The following REV3L variants were observed in gnomAD, a reference collection of about 807,000 sequenced individuals.
The protein encoded by REV3L is DNA polymerase zeta catalytic subunit.
A neutral mutation model predicts 299.4 loss-of-function variants in REV3L; 69 were observed. The ratio of observed to expected loss-of-function variants is 0.23; its 90% confidence interval spans 0.19 to 0.28. The LOEUF (loss-of-function observed/expected upper bound fraction) is 0.28. REV3L is among the 10% of genes least tolerant of loss of function. The probability of loss-of-function intolerance (pLI) is 1.00; values close to 1 mark genes in which losing one functional copy is unlikely to be tolerated. For synonymous variants in REV3L, 1,238 were observed against 1,271.4 expected (o/e 0.97, Z 0.56); for missense variants, 3,128 against 3,693.8 (o/e 0.85, Z 3.97).
intron 1 of REV3L, among the ~76,000 whole-genome samples, chr6:111,428,103 CAGAT>C (rs1786406509): frequency 6.6e-6 from 1 of 150,850 alleles, no homozygotes; most frequent in Admixed American, 6.6e-5. Context: ...CAAAACAAGC[CAGAT>C]AGAGAAGACT....
At chr6:111,320,213 C>T (rs935093800) in intron 26 of REV3L, among the ~76,000 whole-genome samples, 7 of 152,198 alleles carry the variant, frequency 4.6e-5, no homozygotes, top group Non-Finnish European at 1.0e-4. Context: ...GGATTACAGG[C>T]ATGCGCCATC....
At position 111,387,662 on chromosome 6, in the gene REV3L, T is replaced by C; in HGVS notation, c.1096+103A>G. 4 of 1,153,484 alleles carry C rather than the reference T, an allele frequency of 3.5e-6. No homozygotes were observed. The South Asian group carries it at 6.0e-5, about 17-fold the overall frequency. The allele number at this position is 1,153,484 out of a possible 1,614,324, so 71.5% of individuals were successfully genotyped here. The stretch of plus-strand genomic sequence containing the variant: ...ATTTTTGCTATATCCACAATATTTA[T>C]TTCATAGGGAAAAAAATCCCTAGCA... On this transcript the variant is annotated intron_variant, in intron 9 of 31. Coordinates refer to ENST00000368802, the MANE Select transcript of REV3L (RefSeq NM_001372078.1).
intron 7 of REV3L, 151 bp from the exon 8 acceptor site, chr6:111,388,236 A>G (rs1027301296): frequency 4.9e-6 from 3 of 606,488 alleles, no homozygotes; most frequent in Non-Finnish European, 8.6e-6. Context: ...CCATAGAATC[A>G]CACAAAAGAG....
At chr6:111,342,413 A>G (rs1776593715) in intron 21 of REV3L, among the ~76,000 whole-genome samples, 1 of 152,120 alleles carries the variant, frequency 6.6e-6, no homozygotes, top group South Asian at 2.1e-4. Flanking sequence ...TCATGCCTGT[A>G]ATCCCAGCAC....
intron 25 of REV3L, among the ~76,000 whole-genome samples, chr6:111,322,994 C>CCTT (rs1554191608): frequency 8.5e-5 from 10 of 117,716 alleles, no homozygotes; most frequent in Non-Finnish European, 1.0e-4. Context: ...TATTCAAGAA[C>CCTT]TTTTTTTTTT....
intron 1 of REV3L, among the ~76,000 whole-genome samples, chr6:111,421,559 A>G (rs1031934090): frequency 1.2e-4 from 19 of 152,150 alleles, no homozygotes; most frequent in African/African-American, 3.6e-4. Context: ...TAGTTTGCCA[A>G]TCTCTGCTCT....
chr6:111,329,795 T>A, intron 24 of REV3L, 57 bp from the exon 25 acceptor site: 3 of 1,320,070 alleles, frequency 2.3e-6, no homozygotes, highest in Non-Finnish European at 3.2e-6. Flanking sequence ...TTTACATAAT[T>A]AAGAAGGAAG....
Position 111,367,875 on chromosome 6 carries a change from A to G in REV3L, c.5913T>C (p.Ser1971=). Residue 1971 remains serine (S), a synonymous_variant, in exon 14 of 32, where the codon AGT becomes AGC. Transcript: ENST00000368802. ...ACCCTTTATTGACAACTCCTTGGCC[A>G]CTGCGAAGGGGTGACCCTGGCCTTG... is the stretch of plus-strand genomic sequence containing the variant. The part of the protein sequence containing the change: ...QNPRPGSPLR[S]GQGVVNKGSS... 1 of 1,614,182 alleles carries G rather than the reference A, an allele frequency of 6.2e-7. No individual in the cohort carries two copies. The highest frequency in any genetic ancestry group is 1.1e-5 in the South Asian group (1 of 91,074).
rs1319279464 is a variant in REV3L at position 111,363,953 on chromosome 6, G to A, written c.6779C>T (p.Pro2260Leu). The A allele has an allele frequency of 1.9e-6, 3 of 1,612,536 alleles. No homozygotes were observed. Among genetic ancestry groups the A allele is most frequent in the Middle Eastern group, 1.6e-4 (1 of 6,076 alleles). The change falls in exon 16 of 32, where the codon CCA (proline) becomes CTA (leucine). Residue 2260 changes from proline to leucine, a missense_variant. Around this residue, in one of 9 missense-constraint regions of REV3L, gnomAD observed 2,409 missense variants for 2,611.8 expected, o/e 0.92. Transcript: ENST00000368802. ...ATCAATCTGAGAAGTTTCTTTCTGT[G>A]GGGTATTTACTGCTGCAAATTGATT... ...AKNQFAAVNT[P>L]QKETSQIDGP...
chr6:111,349,990 T>C (rs187205086), intron 19 of REV3L, among the ~76,000 whole-genome samples: 1 of 152,314 alleles, frequency 6.6e-6, no homozygotes, highest in East Asian at 1.9e-4. Flanking sequence ...AAAATGCGTC[T>C]CTCCTATGTA....
chr6:111,321,320 A>G (rs1043141091), intron 26 of REV3L, among the ~76,000 whole-genome samples: 1 of 152,228 alleles, frequency 6.6e-6, no homozygotes, highest in Admixed American at 6.5e-5. Context: ...TAATATAACT[A>G]CAATCAGAAT....
intron 1 of REV3L, among the ~76,000 whole-genome samples, chr6:111,429,227 T>C (rs1216407162): frequency 6.6e-6 from 1 of 152,242 alleles, no homozygotes; most frequent in Non-Finnish European, 1.5e-5. Context: ...TTGACCATGC[T>C]GGTTTTGAAC....
intron 5 of REV3L, among the ~76,000 whole-genome samples, chr6:111,390,883 C>A (rs1281354801): frequency 1.3e-5 from 2 of 151,988 alleles, no homozygotes; most frequent in Non-Finnish European, 2.9e-5. Flanking sequence ...AAAGAAGACA[C>A]CACATAATTG....
At chr6:111,406,036 A>AT (rs1357657861) in intron 3 of REV3L, among the ~76,000 whole-genome samples, 1 of 151,942 alleles carries the variant, frequency 6.6e-6, no homozygotes. Context: ...TTTCCTGAGT[A>AT]TTTTTTTTCC....
At chr6:111,454,348 C>T (rs1478817465) in intron 1 of REV3L, among the ~76,000 whole-genome samples, 1 of 151,964 alleles carries the variant, frequency 6.6e-6, no homozygotes, top group Non-Finnish European at 1.5e-5. Context: ...GCTGAGTAAA[C>T]AGGCCAAGGT....
At chr6:111,322,786 G>T in intron 25 of REV3L, 108 bp from the exon 26 acceptor site, 1 of 794,458 alleles carries the variant, frequency 1.3e-6, no homozygotes, top group Non-Finnish European at 2.0e-6. Context: ...GAAATGAAAC[G>T]AGAAAAGAAC....
intron 1 of REV3L, among the ~76,000 whole-genome samples, chr6:111,468,196 T>A (rs780963103): frequency 1.3e-5 from 2 of 152,176 alleles, no homozygotes; most frequent in Non-Finnish European, 2.9e-5. Flanking sequence ...TACAAAAGAT[T>A]TGATAATGCC....
In REV3L at chr6:111,300,065, C is replaced by T. The variant is rs139638312; in HGVS notation, c.9344G>A (p.Arg3115Lys). Residue 3115 changes from arginine (R) to lysine (K), a missense_variant, in exon 32 of 32, where the codon AGA (arginine) becomes AAA (lysine). Transcript: ENST00000368802. ...PVLFKLSRVN[R>K]ELSKAPYLRQ... ...GAGATATGGTGCCTTGGACAATTCT[C>T]TATTTACTCGGGAGAGTTTGAAAAG... is the stretch of plus-strand genomic sequence containing the variant. 11 of 1,613,758 alleles carry T rather than the reference C, an allele frequency of 6.8e-6. No homozygotes were observed. Among genetic ancestry groups the T allele is most frequent in the Non-Finnish European group, 9.3e-6 (11 of 1,179,788 alleles).
At chr6:111,303,157 TTTTC>T (rs1414742198) in intron 31 of REV3L, among the ~76,000 whole-genome samples, 3 of 92,974 alleles carry the variant, frequency 3.2e-5, no homozygotes, top group African/African-American at 9.0e-5. Flanking sequence ...TGAGGCTTTC[TTTTC>T]TTTCTTTTTT....
Sources: gnomAD v4.1 joint callset for allele counts (sites outside exome capture counted in the v4.1 genomes callset) on GRCh38, gnomAD v4.1.1 for gene constraint, gnomAD v4.1.1 regional missense constraint, MANE v1.5 for transcripts, NCBI Gene and HGNC (gene_info 2026-07-23, HGNC 2026-07-21) for gene names.